The following RPL3L variants were observed in gnomAD, a reference collection of about 807,000 sequenced individuals.
RPL3L encodes the protein ribosomal protein uL3-like.
Under a neutral mutation model 44.5 loss-of-function variants are expected in RPL3L, and 44 were observed. That is an observed-to-expected ratio of 0.99 (90% confidence interval 0.78 to 1.27). RPL3L has a LOEUF of 1.27. Among genes scored for constraint, RPL3L ranks in the 50% most tolerant of loss-of-function variants. The pLI, the probability that RPL3L is intolerant of heterozygous loss-of-function variation, is 0.00. For missense variants in RPL3L, 631 were observed against 569.1 expected (o/e 1.11, Z -1.11); for synonymous variants, 292 against 230.7 (o/e 1.27, Z -2.41).
intron 4 of RPL3L, among the ~76,000 whole-genome samples, chr16:1,948,223 C>T (rs2150862752): frequency 6.6e-6 from 1 of 151,008 alleles, no homozygotes; most frequent in East Asian, 2.0e-4. Context: ...AGGCGTGAGC[C>T]ACCACGCCCG....
In RPL3L at chr16:1,947,081, G is replaced by A. The variant is rs1329693220; in HGVS notation, c.706C>T (p.His236Tyr). The A allele has an allele frequency of 1.9e-6, 3 of 1,613,588 alleles. No homozygotes were observed. Among genetic ancestry groups the A allele is most frequent in the African/African-American group, 2.7e-5 (2 of 74,940 alleles). The change falls in exon 6 of 10, where the codon CAT becomes TAT. Residue 236 changes from histidine (H) to tyrosine (Y), a missense_variant. Coordinates refer to ENST00000268661, the MANE Select transcript of RPL3L (RefSeq NM_005061.3). Reference protein sequence around the residue: ...RGVKGVTSRWHTKKLPRKTHK... With the variant: ...RGVKGVTSRWYTKKLPRKTHK... ...GTCTTCCGCGGCAGCTTCTTGGTAT[G>A]CCAGCGGCTTGTGACCCCTGTGAGT...
At chr16:1,949,260 T>TG (rs2083151121) in intron 4 of RPL3L, among the ~76,000 whole-genome samples, 2 of 54,310 alleles carry the variant, frequency 3.7e-5, no homozygotes, top group Admixed American at 1.9e-4. Context: ...TTTTTTTTTC[T>TG]TTTTTTTTTT....
chr16:1,951,266 C>G (rs1454108279), intron 3 of RPL3L, among the ~76,000 whole-genome samples: 2 of 152,344 alleles, frequency 1.3e-5, no homozygotes, highest in African/African-American at 4.8e-5. Context: ...GCTGGCCAGC[C>G]CTGCAGTCCA....
intron 4 of RPL3L, among the ~76,000 whole-genome samples, chr16:1,949,009 C>CTTTTTTTTTTTTTTTTT (rs34900670): frequency 3.0e-4 from 37 of 124,626 alleles, no homozygotes; most frequent in African/African-American, 8.5e-4. Context: ...CCGCGCCTGG[C>CTTTTTTTTTTTTTTTTT]TTTTTTTTTT....
rs577668803 is a variant in RPL3L, at chr16:1,944,141, C to G, written c.*696G>C. 3.8e-4 allele frequency: 58 copies of G among 152,350 alleles called. No homozygotes were observed. Among genetic ancestry groups the G allele is most frequent in the African/African-American group, 1.3e-3 (54 of 41,550 alleles). 9.4% of individuals were successfully genotyped at this position (152,350 alleles called of 1,614,324 possible). ...AGTTTAAAACAAAGACAGTAACAGCCCTTTCCCAAAGCAGACCACCTCCTT... is the reference window on the plus strand; with the variant it reads ...AGTTTAAAACAAAGACAGTAACAGCGCTTTCCCAAAGCAGACCACCTCCTT... On this transcript the variant is annotated 3_prime_UTR_variant, in exon 10 of 10. Transcript: ENST00000268661.
At chr16:1,947,830 A>G (rs1201090513) in intron 4 of RPL3L, among the ~76,000 whole-genome samples, 1 of 151,864 alleles carries the variant, frequency 6.6e-6, no homozygotes, top group African/African-American at 2.4e-5. Flanking sequence ...TGGGACAGAG[A>G]GGAGACCAGT....
At position 1,947,030 on chromosome 16, in the gene RPL3L, A is replaced by T; in HGVS notation, c.757T>A (p.Cys253Ser). Reference sequence around the variant, plus strand: ...CGGGCGGGGTGCCAGGCGCCAATGCAGGCCACCTTGCGCAGGCCCTTATGG... The same window carrying T: ...CGGGCGGGGTGCCAGGCGCCAATGCTGGCCACCTTGCGCAGGCCCTTATGG... ...KTHKGLRKVA[C>S]IGAWHPARVG... Residue 253 changes from cysteine to serine, a missense_variant, in exon 6 of 10, where the codon TGC (cysteine) becomes AGC (serine). Cys to Ser is a moderately radical substitution (Grantham distance 112, BLOSUM62 -1). Coordinates refer to ENST00000268661, the MANE Select transcript of RPL3L (RefSeq NM_005061.3). 1.4e-5 allele frequency: 23 copies of T among 1,612,836 alleles called. No homozygotes were observed. Among genetic ancestry groups the T allele is most frequent in the Non-Finnish European group, 1.9e-5 (23 of 1,179,850 alleles).
At chr16:1,954,518 C>T (rs2083193792) in intron 1 of RPL3L, 111 bp downstream of exon 1, 1 of 1,245,780 alleles carries the variant, frequency 8.0e-7, no homozygotes, top group South Asian at 1.5e-5. Flanking sequence ...CTCCCATCCC[C>T]TCACAGGCTG....
At chr16:1,950,240 T>A (rs2083163110) in intron 4 of RPL3L, among the ~76,000 whole-genome samples, 1 of 151,926 alleles carries the variant, frequency 6.6e-6, no homozygotes, top group Non-Finnish European at 1.5e-5. Flanking sequence ...TACCAGGCTC[T>A]TGGTGGCAGC....
chr16:1,948,011 C>G (rs150052731), intron 4 of RPL3L, among the ~76,000 whole-genome samples: 2,229 of 148,640 alleles, frequency 0.015, 78 homozygotes, highest in African/African-American at 0.053. Flanking sequence ...GATCTCGGCT[C>G]ACTGCAAGCT....
At position 1,944,713 on chromosome 16, in the gene RPL3L, A is replaced by G. The variant is rs1324884713; in HGVS notation, c.*124T>C. The G allele has an allele frequency of 4.2e-6, 5 of 1,185,696 alleles. No individual in the cohort carries two copies. The highest frequency in any genetic ancestry group is 6.2e-6 in the Non-Finnish European group (5 of 800,178). The allele number at this position is 1,185,696 out of a possible 1,614,324, so 73.4% of individuals were successfully genotyped here. On this transcript the variant is annotated 3_prime_UTR_variant, in exon 10 of 10. Transcript: ENST00000268661. ...AATCGGCTTTGTCTAGGCAGCAGGC[A>G]AGGTGAACCCCTTGGGCGGTTACAC...
chr16:1,953,971 G>A lies in RPL3L; in HGVS notation c.181C>T (p.His61Tyr), dbSNP rs553116903. 5 of 1,546,434 alleles carry A rather than the reference G, an allele frequency of 3.2e-6. No individual in the cohort carries two copies. The highest frequency in any genetic ancestry group is 4.4e-6 in the Non-Finnish European group (5 of 1,141,320). The change falls in exon 2 of 10, where the codon CAC becomes TAC. Residue 61 changes from histidine to tyrosine, a missense_variant. Physicochemically the swap from His to Tyr is moderately conservative, Grantham distance 83 (BLOSUM62 2). Coordinates refer to ENST00000268661, the MANE Select transcript of RPL3L (RefSeq NM_005061.3). ...AGMTHTLREVHRPGLKISKRE... is the reference protein window; with the variant it reads ...AGMTHTLREVYRPGLKISKRE... ...TGTGACTCACTGAGCCCCGGCCGGTGCACCTCCCGCAGGGTGTGGGTCATG... is the reference window on the plus strand; with the variant it reads ...TGTGACTCACTGAGCCCCGGCCGGTACACCTCCCGCAGGGTGTGGGTCATG...
intron 1 of RPL3L, 46 bp downstream of exon 1, chr16:1,954,583 A>C: frequency 2.8e-6 from 4 of 1,448,904 alleles, no homozygotes; most frequent in Non-Finnish European, 3.8e-6. Flanking sequence ...ACCCCCCCAG[A>C]GTTCCAGCTC....
intron 1 of RPL3L, among the ~76,000 whole-genome samples, 173 bp from the exon 2 acceptor site, chr16:1,954,321 G>A (rs966995810): frequency 3.9e-5 from 6 of 152,136 alleles, no homozygotes; most frequent in South Asian, 2.1e-4. Flanking sequence ...AAGGGGCAGC[G>A]TCTTTGGGAT....
At chr16:1,945,005 G>T in intron 9 of RPL3L, 112 bp from the exon 10 acceptor site, 2 of 1,332,388 alleles carry the variant, frequency 1.5e-6, no homozygotes, top group Non-Finnish European at 2.1e-6. Context: ...CCCTAAGGCT[G>T]CTTCCTCCCC....
chr16:1,952,946 C>T lies in RPL3L; in HGVS notation c.293G>A (p.Gly98Asp). ...GVVGYVATPR[G>D]LRSFKTIFAE... ...AAAGATGGTCTTGAAGCTCCGGAGA[C>T]CTCGAGGGGTGGCCACGTAGCCCAC... The change falls in exon 3 of 10, where the codon GGT becomes GAT. Residue 98 changes from glycine to aspartate, a missense_variant. Coordinates refer to ENST00000268661, the MANE Select transcript of RPL3L (RefSeq NM_005061.3). 6.2e-7 allele frequency: 1 copy of T among 1,613,920 alleles called. No homozygotes were observed. The highest frequency in any genetic ancestry group is 1.1e-5 in the South Asian group (1 of 91,074).
chr16:1,946,049 C>T (rs2083119044), intron 7 of RPL3L, 119 bp from the exon 8 acceptor site: 1 of 791,700 alleles, frequency 1.3e-6, no homozygotes, highest in Non-Finnish European at 2.0e-6. Context: ...CGTGCCCAGC[C>T]CCCAGATGTA....
Position 1,948,040 on chromosome 16 carries a change from C to T in RPL3L, c.502-660G>A, listed in dbSNP as rs1365692369. ...GCAAGCTCTGCCTCCCGGGTTCACG[C>T]CATTCCCCTGCCTCAGCCTCCTGAG... On this transcript the variant is annotated intron_variant, in intron 4 of 9. Transcript: ENST00000268661. 8.1e-4 allele frequency among the ~76,000 whole-genome samples: 119 copies of T among 147,374 alleles called. No homozygotes were observed. In the Middle Eastern group the frequency reaches 0.024, roughly 30 times the overall value.
chr16:1,947,639 A>G (rs1396356612), intron 4 of RPL3L, among the ~76,000 whole-genome samples: 1 of 152,192 alleles, frequency 6.6e-6, no homozygotes, highest in African/African-American at 2.4e-5. Flanking sequence ...GAGAGGACAG[A>G]GTGCTCTGAT....
Sources: allele counts gnomAD v4.1 joint callset (sites outside exome capture counted in the v4.1 genomes callset), GRCh38; gene constraint gnomAD v4.1.1; transcripts MANE v1.5; gene names NCBI Gene and HGNC (gene_info 2026-07-23, HGNC 2026-07-21).